Variants in PRELID2 observed in about 807,000 individuals in gnomAD.
PRELID2 encodes PRELI domain containing 2, also known as PRELI domain-containing protein 2.
PRELID2 carries 25 observed loss-of-function variants against 28.4 expected under a neutral mutation model. The ratio of observed to expected loss-of-function variants is 0.88; its 90% CI spans 0.64 to 1.23. PRELID2 has a LOEUF of 1.23. PRELID2 is among the 50% of genes most tolerant of loss of function. PRELID2 has a pLI of 0.00. For synonymous variants in PRELID2, 76 were observed against 71.6 expected (o/e 1.06, Z -0.31); for missense variants, 201 against 214.4 (o/e 0.94, Z 0.39).
intron 5 of PRELID2, among the ~76,000 whole-genome samples, chr5:145,766,932 A>G (rs1371182466): frequency 6.6e-6 from 1 of 152,112 alleles, no homozygotes; most frequent in African/African-American, 2.4e-5. Context: ...AGAAATTTCA[A>G]GTCTCAGGCC....
At chr5:145,817,203 ATAAATAAATAAAAAAAAATATAT>A (rs1581262516) in intron 4 of PRELID2, among the ~76,000 whole-genome samples, 5 of 80,010 alleles carry the variant, frequency 6.2e-5, no homozygotes, top group East Asian at 2.9e-4. Flanking sequence ...AAAAAAATAA[ATAAATAAATAAAAAAAAATATAT>A]ATATATATAT....
chr5:145,345,664 A>G, the PRELID2 span, among the ~76,000 whole-genome samples: 1 of 152,126 alleles, frequency 6.6e-6, no homozygotes, highest in African/African-American at 2.4e-5. Flanking sequence ...AGACTGCAAT[A>G]TCTACAAGTG....
chr5:145,698,919 G>A (rs1042071140), intron 1 of PRELID2, among the ~76,000 whole-genome samples: 3 of 152,114 alleles, frequency 2.0e-5, no homozygotes, highest in Non-Finnish European at 2.9e-5. Flanking sequence ...TAGAGACGAG[G>A]TTTCGCCATG....
chr5:145,250,940 A>G, the PRELID2 span, among the ~76,000 whole-genome samples: 1 of 152,122 alleles, frequency 6.6e-6, no homozygotes, highest in Non-Finnish European at 1.5e-5. Flanking sequence ...TTCATTTTAC[A>G]TCCAGTTTCT....
chr5:145,383,390 A>ATG, the PRELID2 span, among the ~76,000 whole-genome samples: 162 of 148,800 alleles, frequency 1.1e-3, no homozygotes, highest in Non-Finnish European at 1.7e-3. Flanking sequence ...ACATATGTGG[A>ATG]TGTGTGTGTG....
chr5:145,361,455 C>T, the PRELID2 span, among the ~76,000 whole-genome samples: 1 of 152,270 alleles, frequency 6.6e-6, no homozygotes, highest in African/African-American at 2.4e-5. Context: ...TTCCTTCAAA[C>T]AGCTGGCAGG....
the PRELID2 span, among the ~76,000 whole-genome samples, chr5:145,345,151 C>T: frequency 1.7e-4 from 26 of 152,200 alleles, no homozygotes; most frequent in East Asian, 3.9e-4. Flanking sequence ...TTAATTTTTA[C>T]TTATCCATCT....
intron 1 of PRELID2, among the ~76,000 whole-genome samples, chr5:145,607,351 G>A (rs1421290173): frequency 6.6e-6 from 1 of 151,988 alleles, no homozygotes; most frequent in Non-Finnish European, 1.5e-5. Context: ...TTGCTAATTT[G>A]AGATCTTTCT....
At chr5:145,441,908 T>C in the PRELID2 span, among the ~76,000 whole-genome samples, 14 of 152,226 alleles carry the variant, frequency 9.2e-5, no homozygotes, top group East Asian at 2.5e-3. Context: ...CATTGCATAA[T>C]GCGATTCAGA....
chr5:145,803,863 G>C (rs1053843846), intron 4 of PRELID2, among the ~76,000 whole-genome samples: 2 of 151,580 alleles, frequency 1.3e-5, no homozygotes, highest in African/African-American at 2.4e-5. Flanking sequence ...TAAACCACTT[G>C]GCAATGAAGG....
At chr5:145,410,651 G>T in the PRELID2 span, among the ~76,000 whole-genome samples, 32 of 152,184 alleles carry the variant, frequency 2.1e-4, no homozygotes, top group African/African-American at 7.0e-4. Flanking sequence ...CATAAGAACA[G>T]CATGGGGGAA....
At chr5:145,702,573 C>T (rs1038599170) in intron 1 of PRELID2, among the ~76,000 whole-genome samples, 2 of 152,148 alleles carry the variant, frequency 1.3e-5, no homozygotes, top group African/African-American at 2.4e-5. Flanking sequence ...TAAAATCTCA[C>T]ACAAGAAGGC....
At chr5:145,656,103 A>T (rs1176352539) in intron 1 of PRELID2, among the ~76,000 whole-genome samples, 4 of 152,228 alleles carry the variant, frequency 2.6e-5, no homozygotes, top group Non-Finnish European at 5.9e-5. Context: ...AGATGAACAG[A>T]CACTTATCAA....
the PRELID2 span, among the ~76,000 whole-genome samples, chr5:145,260,406 T>C: frequency 0.083 from 12,553 of 152,008 alleles, 1,122 homozygotes; most frequent in African/African-American, 0.23. Context: ...ACATAATAAA[T>C]AGGGAAAACT....
chr5:145,700,426 G>C (rs1257807416), intron 1 of PRELID2, among the ~76,000 whole-genome samples: 1 of 151,956 alleles, frequency 6.6e-6, no homozygotes, highest in African/African-American at 2.4e-5. Context: ...TATGCTGCTG[G>C]TTTTCACCAG....
intron 1 of PRELID2, among the ~76,000 whole-genome samples, chr5:145,535,707 A>C (rs1752692646): frequency 6.6e-6 from 1 of 151,896 alleles, no homozygotes; most frequent in Non-Finnish European, 1.5e-5. Flanking sequence ...CAACTTTCAG[A>C]GAAAAGAAGA....
At chr5:145,348,041 G>A in the PRELID2 span, among the ~76,000 whole-genome samples, 1 of 152,020 alleles carries the variant, frequency 6.6e-6, no homozygotes. Flanking sequence ...TAAAGAACAA[G>A]GTCTTAGAAC....
the PRELID2 span, among the ~76,000 whole-genome samples, chr5:145,425,513 C>T: frequency 6.6e-6 from 1 of 152,128 alleles, no homozygotes; most frequent in Non-Finnish European, 1.5e-5. Context: ...TCTAAATGCC[C>T]ATCAATGATA....
intron 1 of PRELID2, among the ~76,000 whole-genome samples, chr5:145,733,688 A>G (rs1194096814): frequency 2.6e-5 from 4 of 152,158 alleles, no homozygotes; most frequent in African/African-American, 9.7e-5. Context: ...TTTCAATTTA[A>G]CTTAATGAGT....
Sources: allele counts gnomAD v4.1 joint callset (sites outside exome capture counted in the v4.1 genomes callset), GRCh38; gene constraint gnomAD v4.1.1; transcripts MANE v1.5; gene names NCBI Gene and HGNC (gene_info 2026-07-23, HGNC 2026-07-21).